Variants in SLC24A3 observed in about 807,000 individuals in gnomAD.
SLC24A3 encodes solute carrier family 24 member 3.
A neutral mutation model predicts 75.8 loss-of-function variants in SLC24A3; 28 were observed. The observed-to-expected ratio is 0.37, with a 90% confidence interval of 0.27 to 0.51. The LOEUF is 0.51. Among genes scored for constraint, SLC24A3 ranks in the 20% least tolerant of loss-of-function variants. SLC24A3 has a pLI of 0.94. For missense variants in SLC24A3, 663 were observed against 847.8 expected (o/e 0.78, Z 2.71); for synonymous variants, 372 against 334.1 (o/e 1.11, Z -1.24).
chr20:19,357,260 G>T (rs1009196827), intron 2 of SLC24A3, among the ~76,000 whole-genome samples: 2 of 152,194 alleles, frequency 1.3e-5, no homozygotes, highest in African/African-American at 2.4e-5. Flanking sequence ...AGAGCTTCTG[G>T]AGGGGGCATG....
At chr20:19,293,290 T>C (rs557391480) in intron 2 of SLC24A3, among the ~76,000 whole-genome samples, 1 of 152,318 alleles carries the variant, frequency 6.6e-6, no homozygotes, top group East Asian at 1.9e-4. Context: ...CAGCCATTTT[T>C]ATCCAATTGC....
intron 2 of SLC24A3, among the ~76,000 whole-genome samples, chr20:19,342,702 A>G (rs1174154907): frequency 6.6e-6 from 1 of 152,224 alleles, no homozygotes; most frequent in African/African-American, 2.4e-5. Flanking sequence ...AGAAATGCCA[A>G]TTCTTCCAGA....
rs118091158 is a variant in SLC24A3 at position 19,635,700 on chromosome 20, G to A, written c.613-18362G>A. Among the ~76,000 whole-genome samples, 1,193 of 152,256 alleles carry A rather than the reference G, an allele frequency of 7.8e-3. 8 individuals are homozygous for A. The highest frequency in any genetic ancestry group is 0.013 in the Non-Finnish European group (873 of 68,020). On this transcript the variant is annotated intron_variant, in intron 6 of 16. Coordinates refer to ENST00000328041, the MANE Select transcript of SLC24A3 (RefSeq NM_020689.4). ...TTTGGCACCTGGATTGGGGTGACTC[G>A]AAGACTGGGCTCATCTAGGACTATC...
intron 2 of SLC24A3, among the ~76,000 whole-genome samples, chr20:19,421,716 G>A (rs1027504443): frequency 1.3e-5 from 2 of 152,230 alleles, no homozygotes; most frequent in Non-Finnish European, 1.5e-5. Flanking sequence ...GGAAAAAAAA[G>A]TGGGGGGACA....
chr20:19,385,472 T>G (rs1427604443), intron 2 of SLC24A3, among the ~76,000 whole-genome samples: 2 of 152,240 alleles, frequency 1.3e-5, no homozygotes, highest in African/African-American at 4.8e-5. Context: ...ATTTCTGGGC[T>G]TTTTGTTCTG....
chr20:19,403,993 C>T lies in SLC24A3; in HGVS notation c.272-111495C>T, dbSNP rs1382216650. Among the ~76,000 whole-genome samples, 7 of 152,288 alleles carry T rather than the reference C, an allele frequency of 4.6e-5. No individual in the cohort carries two copies. In the East Asian group the frequency reaches 1.2e-3, roughly 25 times the overall value. ...TCCTGTGTGCTTCTGCACGGAAGTG[C>T]CTTCGCTAAGCTTTGGGACTTGATG... On this transcript the variant is annotated intron_variant, in intron 2 of 16. Transcript: ENST00000328041.
At chr20:19,277,450 T>C (rs1300161559) in intron 1 of SLC24A3, among the ~76,000 whole-genome samples, 1 of 152,202 alleles carries the variant, frequency 6.6e-6, no homozygotes, top group African/African-American at 2.4e-5. Flanking sequence ...TAAAAGTAAA[T>C]TGACCCTAGA....
At chr20:19,546,391 C>T (rs1368554884) in intron 3 of SLC24A3, among the ~76,000 whole-genome samples, 1 of 152,128 alleles carries the variant, frequency 6.6e-6, no homozygotes, top group Non-Finnish European at 1.5e-5. Flanking sequence ...CACCGAAATC[C>T]TTTCCTTCCT....
At chr20:19,398,252 A>G (rs558335360) in intron 2 of SLC24A3, among the ~76,000 whole-genome samples, 3 of 152,258 alleles carry the variant, frequency 2.0e-5, no homozygotes, top group East Asian at 1.9e-4. Context: ...TGTTGAATCT[A>G]TAGATCAAAC....
chr20:19,620,870 C>T (rs2031794759), intron 6 of SLC24A3, among the ~76,000 whole-genome samples: 1 of 152,040 alleles, frequency 6.6e-6, no homozygotes, highest in East Asian at 1.9e-4. Context: ...TTGCATTTAC[C>T]AGAAAAAAAT....
intron 1 of SLC24A3, among the ~76,000 whole-genome samples, chr20:19,256,057 G>C (rs979420027): frequency 4.0e-5 from 6 of 151,876 alleles, no homozygotes; most frequent in Non-Finnish European, 7.4e-5. Context: ...TATGATGGTG[G>C]TACTGCACTC....
intron 1 of SLC24A3, among the ~76,000 whole-genome samples, chr20:19,234,006 G>C (rs1982097634): frequency 6.6e-6 from 1 of 152,240 alleles, no homozygotes; most frequent in African/African-American, 2.4e-5. Flanking sequence ...TTTATAGCCA[G>C]AGTAATATGG....
chr20:19,610,362 C>A (rs926007482), intron 6 of SLC24A3, among the ~76,000 whole-genome samples: 4 of 152,170 alleles, frequency 2.6e-5, no homozygotes, highest in Admixed American at 6.5e-5. Flanking sequence ...TGGTCTACCC[C>A]ACTCTGGCCT....
intron 6 of SLC24A3, among the ~76,000 whole-genome samples, chr20:19,652,971 C>T (rs577377947): frequency 6.6e-6 from 1 of 152,178 alleles, no homozygotes; most frequent in South Asian, 2.1e-4. Flanking sequence ...GTCGATACTC[C>T]TCTAGGGAAG....
chr20:19,514,966 G>A (rs1600261331), intron 2 of SLC24A3, among the ~76,000 whole-genome samples: 1 of 152,306 alleles, frequency 6.6e-6, no homozygotes, highest in African/African-American at 2.4e-5. Context: ...ACTTAGAGCA[G>A]GGGCTTCAAA....
At chr20:19,255,402 A>C (rs1268820563) in intron 1 of SLC24A3, among the ~76,000 whole-genome samples, 2 of 152,232 alleles carry the variant, frequency 1.3e-5, no homozygotes, top group African/African-American at 4.8e-5. Context: ...TGAAAACCAA[A>C]GATGATTAAG....
intron 3 of SLC24A3, among the ~76,000 whole-genome samples, chr20:19,527,213 C>G (rs78380948): frequency 1.3e-5 from 2 of 152,134 alleles, no homozygotes; most frequent in African/African-American, 2.4e-5. Context: ...TCTAAATTCC[C>G]ACTTTTCTTT....
chr20:19,399,319 T>G (rs1356441963), intron 2 of SLC24A3, among the ~76,000 whole-genome samples: 1 of 152,154 alleles, frequency 6.6e-6, no homozygotes, highest in Admixed American at 6.5e-5. Flanking sequence ...GCTCTTCTTT[T>G]CTTAGTTTCT....
chr20:19,235,377 G>A (rs1001173896), intron 1 of SLC24A3, among the ~76,000 whole-genome samples: 5 of 152,208 alleles, frequency 3.3e-5, no homozygotes, highest in Non-Finnish European at 5.9e-5. Context: ...TATGGTGCAA[G>A]GAGAAACATT....
Sources: gnomAD v4.1 joint callset for allele counts (sites outside exome capture counted in the v4.1 genomes callset) on GRCh38, gnomAD v4.1.1 for gene constraint, MANE v1.5 for transcripts, NCBI Gene and HGNC (gene_info 2026-07-23, HGNC 2026-07-21) for gene names.